The following CSMD1 variants were observed in gnomAD, a reference collection of about 807,000 sequenced individuals.
The protein encoded by CSMD1 is CUB and sushi domain-containing protein 1.
Under a neutral mutation model 417.5 loss-of-function variants are expected in CSMD1, and 213 were observed. The observed-to-expected ratio is 0.51, with a 90% confidence interval of 0.46 to 0.57. CSMD1 has a LOEUF of 0.57. Ranked by LOEUF, CSMD1 falls within the 20% of genes least tolerant of loss-of-function variation. The pLI is 0.00. For missense variants in CSMD1, 6,923 were observed against 4,529.7 expected (o/e 1.53, Z -15.17); for synonymous variants, 2,862 against 1,736.8 (o/e 1.65, Z -16.11).
chr8:3,987,156 G>T (rs552451200), intron 5 of CSMD1, among the ~76,000 whole-genome samples: 1 of 152,250 alleles, frequency 6.6e-6, no homozygotes, highest in African/African-American at 2.4e-5. Context: ...CGAGTTCTAT[G>T]GGAGAAAGCA....
intron 3 of CSMD1, among the ~76,000 whole-genome samples, chr8:4,403,526 G>C (rs1000538971): frequency 2.0e-5 from 3 of 152,130 alleles, no homozygotes; most frequent in African/African-American, 7.2e-5. Flanking sequence ...TCATGACTTA[G>C]TATCATTCGC....
chr8:4,026,468 G>T (rs1198427169), intron 4 of CSMD1, among the ~76,000 whole-genome samples: 1 of 152,082 alleles, frequency 6.6e-6, no homozygotes, highest in South Asian at 2.1e-4. Context: ...TACGATTATG[G>T]AAATTTTAAA....
rs182649360 is a variant in CSMD1, at chr8:3,989,697, C to T, written c.818+8206G>A. Among the ~76,000 whole-genome samples, 203 of 152,210 alleles carry T rather than the reference C, an allele frequency of 1.3e-3. 2 individuals carry two copies. The highest frequency in any genetic ancestry group is 4.6e-3 in the African/African-American group (192 of 41,528). On this transcript the variant is annotated intron_variant, in intron 5 of 69. Coordinates refer to ENST00000635120, the MANE Select transcript of CSMD1 (RefSeq NM_033225.6). Reference sequence around the variant, plus strand: ...GATACTGTGATACTCTAAAGAGATTCGAATCAGAAGAACTTAGATACTTGT... The same window carrying T: ...GATACTGTGATACTCTAAAGAGATTTGAATCAGAAGAACTTAGATACTTGT...
intron 1 of CSMD1, among the ~76,000 whole-genome samples, chr8:4,792,225 A>C (rs531995374): frequency 4.2e-4 from 64 of 152,318 alleles, no homozygotes; most frequent in African/African-American, 1.3e-3. Context: ...GTAGAGATTA[A>C]ATGTATAGAA....
intron 1 of CSMD1, among the ~76,000 whole-genome samples, chr8:4,877,081 T>C (rs1803090748): frequency 6.6e-6 from 1 of 152,126 alleles, no homozygotes; most frequent in African/African-American, 2.4e-5. Context: ...TTCTTTCAAA[T>C]ACACTACTTA....
At chr8:4,498,064 G>A (rs776301785) in intron 2 of CSMD1, among the ~76,000 whole-genome samples, 1 of 152,104 alleles carries the variant, frequency 6.6e-6, no homozygotes, top group Non-Finnish European at 1.5e-5. Context: ...ATGTGTGTGA[G>A]ATACCCTGCT....
chr8:3,787,895 T>C (rs1799535497), intron 5 of CSMD1, among the ~76,000 whole-genome samples: 1 of 152,168 alleles, frequency 6.6e-6, no homozygotes, highest in South Asian at 2.1e-4. Flanking sequence ...TGTTACTCTA[T>C]TTTGCCAGAT....
At chr8:2,990,269 CT>C (rs1312729613) in intron 54 of CSMD1, among the ~76,000 whole-genome samples, 17 of 152,296 alleles carry the variant, frequency 1.1e-4, no homozygotes, top group African/African-American at 3.9e-4. Flanking sequence ...CTCATAGTTT[CT>C]TGTAGATGTG....
intron 1 of CSMD1, among the ~76,000 whole-genome samples, chr8:4,947,792 AAT>A (rs1311247287): frequency 1.3e-5 from 2 of 152,096 alleles, no homozygotes; most frequent in East Asian, 1.9e-4. Context: ...TTCAAACAAA[AAT>A]ATGTTTCTAA....
intron 2 of CSMD1, among the ~76,000 whole-genome samples, chr8:4,595,338 A>T (rs1313365449): frequency 1.6e-5 from 1 of 63,970 alleles, no homozygotes; most frequent in African/African-American, 3.7e-5. Context: ...AATCATGTCG[A>T]TTCAACAATT....
At chr8:3,383,059 A>C (rs1810739289) in intron 18 of CSMD1, among the ~76,000 whole-genome samples, 1 of 152,080 alleles carries the variant, frequency 6.6e-6, no homozygotes, top group Non-Finnish European at 1.5e-5. Context: ...AGATAGCCAG[A>C]TTGGAGAAGA....
intron 3 of CSMD1, among the ~76,000 whole-genome samples, chr8:4,400,858 A>G (rs1429368499): frequency 2.0e-5 from 3 of 151,976 alleles, no homozygotes; most frequent in Admixed American, 6.6e-5. Context: ...TTAATAGCAG[A>G]AAAATTGAAC....
intron 3 of CSMD1, among the ~76,000 whole-genome samples, chr8:4,186,588 A>G (rs948672584): frequency 2.0e-5 from 3 of 152,210 alleles, no homozygotes; most frequent in Admixed American, 1.3e-4. Context: ...CAGCATTGCT[A>G]ATGTCAAATC....
intron 3 of CSMD1, among the ~76,000 whole-genome samples, chr8:4,158,523 C>G (rs1470036362): frequency 6.6e-6 from 1 of 152,094 alleles, no homozygotes; most frequent in African/African-American, 2.4e-5. Flanking sequence ...CCCAAAGAAA[C>G]AGTAATATTA....
intron 18 of CSMD1, among the ~76,000 whole-genome samples, chr8:3,379,944 G>C (rs1484443233): frequency 8.5e-5 from 13 of 152,156 alleles, no homozygotes; most frequent in Admixed American, 7.2e-4. Flanking sequence ...AAGTACCTCA[G>C]AGTGAACAGG....
chr8:2,956,288 T>A (rs973574036), intron 63 of CSMD1, among the ~76,000 whole-genome samples: 1 of 152,076 alleles, frequency 6.6e-6, no homozygotes, highest in Non-Finnish European at 1.5e-5. Flanking sequence ...AAACTTAATA[T>A]AGATTCTTAT....
intron 10 of CSMD1, among the ~76,000 whole-genome samples, chr8:3,506,786 T>C (rs1014114214): frequency 2.6e-5 from 4 of 152,342 alleles, no homozygotes; most frequent in African/African-American, 9.6e-5. Flanking sequence ...AGTGATTTAC[T>C]TCCTCCACAC....
At chr8:4,147,886 C>T (rs1020459992) in intron 3 of CSMD1, among the ~76,000 whole-genome samples, 2 of 152,098 alleles carry the variant, frequency 1.3e-5, no homozygotes, top group African/African-American at 4.8e-5. Flanking sequence ...TCAGGGGCTG[C>T]ATGTGATTCT....
At chr8:4,635,438 T>C (rs1305292702) in intron 2 of CSMD1, among the ~76,000 whole-genome samples, 1 of 152,138 alleles carries the variant, frequency 6.6e-6, no homozygotes, top group African/African-American at 2.4e-5. Context: ...TAATACATTA[T>C]TGAAAGACAT....
Sources: allele counts gnomAD v4.1 joint callset (sites outside exome capture counted in the v4.1 genomes callset), GRCh38; gene constraint gnomAD v4.1.1; transcripts MANE v1.5; gene names NCBI Gene and HGNC (gene_info 2026-07-23, HGNC 2026-07-21).